SLC44A3: variants seen among roughly 807,000 people sequenced by gnomAD.
The protein encoded by SLC44A3 is solute carrier family 44 member 3.
A neutral mutation model predicts 75.4 loss-of-function variants in SLC44A3; 74 were observed. That is an observed-to-expected ratio of 0.98 (90% CI 0.81 to 1.19). The LOEUF is 1.19. SLC44A3 is among the 50% of genes most tolerant of loss of function. SLC44A3 has a pLI of 0.00. For synonymous variants in SLC44A3, 310 were observed against 296.9 expected (o/e 1.04, Z -0.45); for missense variants, 700 against 778.6 (o/e 0.90, Z 1.20).
rs755912797 is a variant in SLC44A3 at position 94,892,402 on chromosome 1, GT to G, written c.1748del (p.Leu583TyrfsTer37). Reference sequence around the variant, plus strand: ...TTTTTTGCCTACTTAGTAGCCCATAGTTTTTTATCTGTGTTTGAAACTGTGC... The same window carrying G: ...TTTTTTGCCTACTTAGTAGCCCATAGTTTTTATCTGTGTTTGAAACTGTGC... ...VAFFAYLVAH[S>X]FLSVFETVLD... On this transcript the variant is annotated frameshift_variant, in exon 14 of 15. Coordinates refer to ENST00000271227, the MANE Select transcript of SLC44A3 (RefSeq NM_001114106.3). LOFTEE classifies it high-confidence loss of function. The G allele has an allele frequency of 1.2e-6, 2 of 1,614,134 alleles. No homozygotes were observed. Among genetic ancestry groups the G allele is most frequent in the Admixed American group, 1.7e-5 (1 of 60,020 alleles).
At chr1:94,851,011 C>G (rs1197644847) in intron 9 of SLC44A3, among the ~76,000 whole-genome samples, 1 of 152,092 alleles carries the variant, frequency 6.6e-6, no homozygotes, top group African/African-American at 2.4e-5. Context: ...TCAGAAGTTC[C>G]TGGTCCCTTT....
In SLC44A3 at chr1:94,837,092, A is replaced by G. The variant is rs72718221; in HGVS notation, c.510-619A>G. On this transcript the variant is annotated intron_variant, in intron 5 of 14. Transcript: ENST00000271227. The stretch of plus-strand genomic sequence containing the variant: ...AACCAGGCATGTAAGGGCAAATCCC[A>G]TACATGACCCCACTTGTATGTGGAA... 4.1e-3 allele frequency among the ~76,000 whole-genome samples: 618 copies of G among 152,292 alleles called. 1 individual carries two copies. Among genetic ancestry groups the G allele is most frequent in the South Asian group, 0.011 (52 of 4,818 alleles).
In SLC44A3 at chr1:94,892,280, G is replaced by C; in HGVS notation, c.1621-1G>C. The C allele has an allele frequency of 6.2e-7, 1 of 1,612,470 alleles. No individual in the cohort carries two copies. The highest frequency in any genetic ancestry group is 8.5e-7 in the Non-Finnish European group (1 of 1,179,204). ...TTTCAACAAACTCTTCTTTTGCACA[G>C]GTGTTAGTGGTGTGTTTCACTGTTT... On this transcript the variant is annotated splice_acceptor_variant, in intron 13 of 14. Transcript: ENST00000271227. LOFTEE classifies it high-confidence loss of function.
chr1:94,891,104 T>C (rs1441532620), intron 12 of SLC44A3, 26 bp from the exon 13 acceptor site: 2 of 1,575,886 alleles, frequency 1.3e-6, no homozygotes, highest in African/African-American at 1.4e-5. Flanking sequence ...AAGAATTATC[T>C]TTTAAACAAT....
chr1:94,821,487 A>G (rs529093536), intron 2 of SLC44A3, among the ~76,000 whole-genome samples: 7 of 152,244 alleles, frequency 4.6e-5, no homozygotes, highest in Non-Finnish European at 5.9e-5. Context: ...CATCACACAC[A>G]CACGCGCGCG....
intron 9 of SLC44A3, among the ~76,000 whole-genome samples, chr1:94,854,749 CT>C (rs1477760102): frequency 2.6e-5 from 4 of 151,466 alleles, no homozygotes; most frequent in African/African-American, 9.7e-5. Flanking sequence ...CTTTTTGCCC[CT>C]GATATGGCAT....
At chr1:94,867,188 G>C in intron 11 of SLC44A3, 143 bp from the exon 12 acceptor site, 1 of 534,790 alleles carries the variant, frequency 1.9e-6, no homozygotes, top group South Asian at 3.3e-5. Flanking sequence ...AGTAGTAGTA[G>C]TATGCACACA....
chr1:94,849,075 T>C (rs1664846034), intron 9 of SLC44A3, among the ~76,000 whole-genome samples: 1 of 151,862 alleles, frequency 6.6e-6, no homozygotes, highest in Non-Finnish European at 1.5e-5. Flanking sequence ...CCTGTGCCCC[T>C]GACTAGGTCT....
At chr1:94,833,343 G>A (rs888103929) in intron 5 of SLC44A3, among the ~76,000 whole-genome samples, 1 of 152,188 alleles carries the variant, frequency 6.6e-6, no homozygotes, top group Non-Finnish European at 1.5e-5. Flanking sequence ...CTTTCATGTA[G>A]TCTAATGCAT....
Position 94,837,855 on chromosome 1 carries a change from G to A in SLC44A3, c.654G>A (p.Leu218=), listed in dbSNP as rs35478795. Residue 218 remains leucine, a synonymous_variant, in exon 6 of 15, where the codon CTG becomes CTA. Transcript: ENST00000271227. ...IMSGRDTILG[L]CILALALSLA... is the part of the protein sequence containing the mutation. ...CGGGAAGAGATACAATCCTTGGCCT[G>A]TGTATCCTCGCATTAGGTAATTCTC... 70 of 1,597,776 alleles carry A rather than the reference G, an allele frequency of 4.4e-5. No individual in the cohort carries two copies. In the African/African-American group the frequency reaches 8.1e-4, roughly 18 times the overall value.
At chr1:94,842,527 A>G (rs1423452054) in intron 8 of SLC44A3, among the ~76,000 whole-genome samples, 1 of 152,208 alleles carries the variant, frequency 6.6e-6, no homozygotes, top group African/African-American at 2.4e-5. Context: ...TTTGTTTCCA[A>G]ACCCGCTGGC....
intron 9 of SLC44A3, 89 bp downstream of exon 9, chr1:94,845,553 A>G: frequency 7.7e-7 from 1 of 1,290,642 alleles, no homozygotes; most frequent in Non-Finnish European, 1.0e-6. Context: ...GTAGGCACCT[A>G]ACCCCTCATT....
At chr1:94,876,531 G>A (rs534273446) in intron 12 of SLC44A3, among the ~76,000 whole-genome samples, 1 of 152,344 alleles carries the variant, frequency 6.6e-6, no homozygotes, top group South Asian at 2.1e-4. Flanking sequence ...ACTGGCCAGA[G>A]ACTAGAGAAT....
At chr1:94,839,121 G>A (rs1358973264) in intron 6 of SLC44A3, 1 of 152,168 alleles carries the variant, frequency 6.6e-6, no homozygotes, top group Non-Finnish European at 1.5e-5. Flanking sequence ...ACATAACTCT[G>A]ATCTAGATGC....
chr1:94,862,318 C>T (rs1666669184), intron 10 of SLC44A3, among the ~76,000 whole-genome samples: 1 of 152,202 alleles, frequency 6.6e-6, no homozygotes, highest in South Asian at 2.1e-4. Flanking sequence ...ATTAATTCTC[C>T]ATAATGTCAG....
intron 10 of SLC44A3, among the ~76,000 whole-genome samples, chr1:94,862,494 A>G (rs1666692146): frequency 6.6e-6 from 1 of 152,170 alleles, no homozygotes. Context: ...ACTTGGATGG[A>G]TGGGACCATT....
At chr1:94,845,734 C>A (rs1475309230) in intron 9 of SLC44A3, among the ~76,000 whole-genome samples, 6 of 152,194 alleles carry the variant, frequency 3.9e-5, no homozygotes, top group African/African-American at 1.4e-4. Context: ...ACAATATGAA[C>A]AAAGGCCAAC....
chr1:94,827,446 A>G, intron 3 of SLC44A3, 61 bp from the exon 4 acceptor site: 6 of 1,598,208 alleles, frequency 3.8e-6, no homozygotes, highest in Non-Finnish European at 5.1e-6. Flanking sequence ...TTTAAGGCCC[A>G]CAATTAAGAC....
intron 4 of SLC44A3, among the ~76,000 whole-genome samples, chr1:94,828,144 A>G (rs959472112): frequency 2.0e-5 from 3 of 152,240 alleles, no homozygotes; most frequent in Non-Finnish European, 2.9e-5. Context: ...TACTGGGTCC[A>G]CTGTTTAGAA....
Sources: gnomAD v4.1 joint callset for allele counts (sites outside exome capture counted in the v4.1 genomes callset) on GRCh38, gnomAD v4.1.1 for gene constraint, MANE v1.5 for transcripts, NCBI Gene and HGNC (gene_info 2026-07-23, HGNC 2026-07-21) for gene names.